Variants in HERC2 observed in about 807,000 individuals in gnomAD.
HERC2 encodes the protein E3 ubiquitin-protein ligase HERC2.
HERC2 carries 102 observed loss-of-function variants against 537.7 expected under a neutral mutation model. That is an observed-to-expected ratio of 0.19 (90% confidence interval 0.16 to 0.22). The LOEUF (loss-of-function observed/expected upper bound fraction) is 0.22, where lower values mean the gene tolerates loss of function less well. HERC2 is among the 10% of genes least tolerant of loss of function. The pLI is 1.00. For synonymous variants in HERC2, 2,224 were observed against 2,466.2 expected, an observed-to-expected ratio of 0.90 and a Z score of 2.91; for missense variants, 4,236 against 6,198.2, an observed-to-expected ratio of 0.68 and a Z score of 10.63.
chr15:28,175,493 A>G lies in HERC2; in HGVS notation c.9831+19T>C, dbSNP rs370212036. Reference sequence around the variant, plus strand: ...CAAGTCAGGATGGCACGCCACCCCCAGGCCACCTGCAGCCTTACCTGCCCC... The same window carrying G: ...CAAGTCAGGATGGCACGCCACCCCCGGGCCACCTGCAGCCTTACCTGCCCC... On this transcript the variant is annotated intron_variant, in intron 64 of 92. Transcript: ENST00000261609. 4.1e-5 allele frequency: 66 copies of G among 1,601,372 alleles called. No individual in the cohort carries two copies. In the African/African-American group the frequency reaches 8.3e-4, roughly 20 times the overall value.
In HERC2 at chr15:28,116,834, G is replaced by A. The variant is rs751886435; in HGVS notation, c.13440C>T (p.Gly4480=). 40 of 1,612,452 alleles carry A rather than the reference G, an allele frequency of 2.5e-5. No individual in the cohort carries two copies. In the South Asian group the frequency reaches 2.9e-4, roughly 12 times the overall value. The part of the protein sequence containing the change: ...FVGESVDDCG[G]GYSESIAEIC... Reference sequence around the variant, plus strand: ...TCTCAGCTATGGACTCGCTGTAGCCGCCCCCACAGTCATCCACAGATTCAC... The same window carrying A: ...TCTCAGCTATGGACTCGCTGTAGCCACCCCCACAGTCATCCACAGATTCAC... The change falls in exon 88 of 93, where the codon GGC becomes GGT. Residue 4480 remains glycine (G), a synonymous_variant. Transcript: ENST00000261609.
intron 5 of HERC2, among the ~76,000 whole-genome samples, chr15:28,278,828 T>C (rs993371992): frequency 2.6e-5 from 4 of 152,132 alleles, no homozygotes; most frequent in South Asian, 2.1e-4. Context: ...ATAAGTTTCA[T>C]CTGGCAGTCT....
At position 28,201,194 on chromosome 15, in the gene HERC2, G is replaced by C. The variant is rs138439776; in HGVS notation, c.7716+262C>G. Among the ~76,000 whole-genome samples, 1,086 of 152,230 alleles carry C rather than the reference G, an allele frequency of 7.1e-3. 16 individuals carry two copies. The highest frequency in any genetic ancestry group is 0.025 in the African/African-American group (1,021 of 41,530). The stretch of plus-strand genomic sequence containing the variant: ...CACACCCTGTAGGCTTTGCACCCAT[G>C]TCACCTTCTCATTGCAGCCCCACAT... On this transcript the variant is annotated intron_variant, in intron 48 of 92. Transcript: ENST00000261609.
chr15:28,317,508 T>C (rs779246539), intron 2 of HERC2, among the ~76,000 whole-genome samples: 9 of 152,246 alleles, frequency 5.9e-5, no homozygotes, highest in Non-Finnish European at 1.0e-4. Context: ...GCTACTGATA[T>C]ACTCAACAAA....
At chr15:28,219,028 A>C (rs1900236124) in intron 37 of HERC2, among the ~76,000 whole-genome samples, 1 of 152,228 alleles carries the variant, frequency 6.6e-6, no homozygotes. Context: ...AGGATGCACT[A>C]AACGTGCACC....
In HERC2 at chr15:28,286,696, C is replaced by T. The variant is rs188761487; in HGVS notation, c.322+6192G>A. On this transcript the variant is annotated intron_variant, in intron 4 of 92. Transcript: ENST00000261609. ...GAAAGGGTCCTCCCAGACCTATTTA[C>T]ACGGCAGAGAGAATCATTAAGAATG... Among the ~76,000 whole-genome samples, 507 of 152,300 alleles carry T rather than the reference C, an allele frequency of 3.3e-3. 3 individuals are homozygous for T. The highest frequency in any genetic ancestry group is 0.011 in the African/African-American group (477 of 41,558).
chr15:28,308,280 G>T (rs2076847379), intron 2 of HERC2, among the ~76,000 whole-genome samples: 1 of 152,040 alleles, frequency 6.6e-6, no homozygotes. Flanking sequence ...TATCTTCTTT[G>T]GTTACTTCCC....
At chr15:28,254,253 G>A (rs560978853) in intron 20 of HERC2, 87 bp downstream of exon 20, 34 of 931,916 alleles carry the variant, frequency 3.6e-5, no homozygotes, top group Middle Eastern at 3.2e-4. Flanking sequence ...ATAGCACTCC[G>A]GCCTGGGCAA....
At chr15:28,297,098 A>C (rs1392817927) in intron 3 of HERC2, among the ~76,000 whole-genome samples, 1 of 152,272 alleles carries the variant, frequency 6.6e-6, no homozygotes, top group African/African-American at 2.4e-5. Context: ...TACTGAAACT[A>C]AATGTAAGCT....
chr15:28,245,514 T>A (rs1903569031), intron 23 of HERC2, among the ~76,000 whole-genome samples: 1 of 140,862 alleles, frequency 7.1e-6, no homozygotes, highest in Non-Finnish European at 1.5e-5. Flanking sequence ...GACACCGCAC[T>A]CCAGCCTGGG....
chr15:28,266,017 T>C (rs1055986489), intron 12 of HERC2, 43 bp from the exon 13 acceptor site: 3 of 1,597,932 alleles, frequency 1.9e-6, no homozygotes, highest in Non-Finnish European at 1.7e-6. Context: ...TTCTTCTTGG[T>C]GTTATTTCTT....
intron 44 of HERC2, among the ~76,000 whole-genome samples, chr15:28,207,208 A>C (rs1898574030): frequency 6.6e-6 from 1 of 151,980 alleles, no homozygotes; most frequent in East Asian, 2.0e-4. Context: ...CAATCTTGGC[A>C]AACTGCAACC....
chr15:28,309,361 A>G (rs1408673646), intron 2 of HERC2, among the ~76,000 whole-genome samples: 1 of 152,168 alleles, frequency 6.6e-6, no homozygotes, highest in East Asian at 1.9e-4. Context: ...GCATATATAC[A>G]TATATTTATA....
At chr15:28,132,601 G>C (rs1890219240) in intron 80 of HERC2, 52 bp downstream of exon 80, 1 of 1,350,106 alleles carries the variant, frequency 7.4e-7, no homozygotes, top group Admixed American at 2.9e-5. Flanking sequence ...CCATCTGACA[G>C]CAGCAGTGAG....
intron 17 of HERC2, 85 bp from the exon 18 acceptor site, chr15:28,256,402 T>A: frequency 1.1e-6 from 1 of 898,254 alleles, no homozygotes; most frequent in Non-Finnish European, 1.7e-6. Flanking sequence ...TAAAAGTCAA[T>A]TTCAAGTATT....
chr15:28,306,031 G>A (rs2076777896), intron 2 of HERC2, among the ~76,000 whole-genome samples: 1 of 152,136 alleles, frequency 6.6e-6, no homozygotes, highest in Admixed American at 6.5e-5. Context: ...GGAAACAACA[G>A]GTGCTGGAGA....
chr15:28,279,164 T>C (rs919555000), intron 5 of HERC2, among the ~76,000 whole-genome samples: 1 of 152,024 alleles, frequency 6.6e-6, no homozygotes, highest in Non-Finnish European at 1.5e-5. Context: ...GGCTAATTTT[T>C]TTATTTTTAG....
chr15:28,119,775 T>C (rs1291357436), intron 86 of HERC2, among the ~76,000 whole-genome samples: 1 of 152,164 alleles, frequency 6.6e-6, no homozygotes, highest in African/African-American at 2.4e-5. Context: ...GTTTGCCATT[T>C]ACCCAGTTTG....
intron 78 of HERC2, among the ~76,000 whole-genome samples, chr15:28,138,033 C>G (rs1260779416): frequency 1.3e-5 from 2 of 151,594 alleles, no homozygotes; most frequent in Non-Finnish European, 2.9e-5. Context: ...TTCCCTTAAG[C>G]CAAAGCTAAT....
Sources: gnomAD v4.1 joint callset for allele counts (sites outside exome capture counted in the v4.1 genomes callset) on GRCh38, gnomAD v4.1.1 for gene constraint, MANE v1.5 for transcripts, NCBI Gene and HGNC (gene_info 2026-07-23, HGNC 2026-07-21) for gene names.